The following EFCAB5 variants were observed in gnomAD, a reference collection of about 807,000 sequenced individuals.
The protein encoded by EFCAB5 is EF-hand calcium binding domain 5.
EFCAB5 carries 131 observed loss-of-function variants against 167.9 expected under a neutral mutation model. The observed-to-expected ratio is 0.78, with a 90% CI of 0.68 to 0.90. The LOEUF (loss-of-function observed/expected upper bound fraction) is 0.90. EFCAB5 is among the 40% of genes least tolerant of loss of function. EFCAB5 has a pLI of 0.00. For synonymous variants in EFCAB5, 574 were observed against 602.8 expected (o/e 0.95, Z 0.70); for missense variants, 1,663 against 1,745.2 (o/e 0.95, Z 0.84).
rs147109928 is a variant in EFCAB5, at chr17:29,980,101, G to A, written c.767+10734G>A. ...GGAGAATTGCTTGACCCCGGGAGGC[G>A]GAGGTTGCAGTGAGCTGAGATCAGG... On this transcript the variant is annotated intron_variant, in intron 4 of 22. Transcript: ENST00000394835. 9.6e-4 allele frequency among the ~76,000 whole-genome samples: 146 copies of A among 152,234 alleles called. 2 individuals carry two copies. The Middle Eastern group carries it at 0.01, about 11-fold the overall frequency.
chr17:30,055,069 G>A (rs911599579), intron 10 of EFCAB5, among the ~76,000 whole-genome samples: 3 of 152,098 alleles, frequency 2.0e-5, no homozygotes, highest in Non-Finnish European at 2.9e-5. Flanking sequence ...AGGCTGAGAC[G>A]GGTGGATCGC....
intron 14 of EFCAB5, chr17:30,069,285 A>C: frequency 6.7e-7 from 1 of 1,494,494 alleles, no homozygotes; most frequent in Non-Finnish European, 9.3e-7. Context: ...ACATGGGGAG[A>C]TGGCAAAGGT....
chr17:30,093,072 G>T (rs903075105), intron 22 of EFCAB5, 136 bp downstream of exon 22: 9 of 553,152 alleles, frequency 1.6e-5, no homozygotes, highest in Non-Finnish European at 2.8e-5. Context: ...CTAAGAGGAG[G>T]GACACTATGT....
At chr17:30,049,884 T>C (rs1294702440) in intron 8 of EFCAB5, among the ~76,000 whole-genome samples, 2 of 152,150 alleles carry the variant, frequency 1.3e-5, no homozygotes, top group African/African-American at 4.8e-5. Flanking sequence ...TAGAGAAACG[T>C]TTGCATATGT....
upstream of EFCAB5, among the ~76,000 whole-genome samples, chr17:29,940,322 C>A (rs1597550874): frequency 1.3e-5 from 2 of 152,194 alleles, no homozygotes; most frequent in Admixed American, 6.5e-5. Context: ...GGTGATCCAC[C>A]CGCCTTGGCC....
intron 8 of EFCAB5, among the ~76,000 whole-genome samples, chr17:30,041,761 C>T (rs2069780677): frequency 6.6e-6 from 1 of 152,148 alleles, no homozygotes; most frequent in South Asian, 2.1e-4. Flanking sequence ...TAAGAAATTG[C>T]CACAGCACAC....
chr17:29,986,092 CTG>C (rs1397876633), intron 4 of EFCAB5, among the ~76,000 whole-genome samples: 2 of 152,226 alleles, frequency 1.3e-5, no homozygotes, highest in African/African-American at 2.4e-5. Flanking sequence ...GCTAATCCAT[CTG>C]TAGCTCCTTC....
At chr17:30,088,625 C>T (rs935110618) in intron 19 of EFCAB5, among the ~76,000 whole-genome samples, 2 of 152,174 alleles carry the variant, frequency 1.3e-5, no homozygotes, top group Admixed American at 1.3e-4. Flanking sequence ...ATGACTCTCA[C>T]TTGTCAAATG....
intron 22 of EFCAB5, among the ~76,000 whole-genome samples, chr17:30,093,835 A>C (rs1303832829): frequency 6.6e-6 from 1 of 152,202 alleles, no homozygotes; most frequent in Non-Finnish European, 1.5e-5. Flanking sequence ...GGTCACCCAG[A>C]TACCAACCCT....
chr17:29,970,331 A>G (rs1385544658), intron 4 of EFCAB5, among the ~76,000 whole-genome samples: 2 of 152,098 alleles, frequency 1.3e-5, no homozygotes, highest in Admixed American at 1.3e-4. Flanking sequence ...TTAACAATTG[A>G]GACTTTTAAA....
rs149603134 is a variant in EFCAB5, at chr17:30,086,447, G to A, written c.3580-616G>A. 1.7e-4 allele frequency among the ~76,000 whole-genome samples: 26 copies of A among 152,194 alleles called. No homozygotes were observed. The East Asian group carries it at 4.1e-3, about 24-fold the overall frequency. Reference sequence around the variant, plus strand: ...CAGGAGAGAGTGTCGTCCCAATAGCGAAGTGAAGAAAGTAAATTGGCCAGG... The same window carrying A: ...CAGGAGAGAGTGTCGTCCCAATAGCAAAGTGAAGAAAGTAAATTGGCCAGG... On this transcript the variant is annotated intron_variant, in intron 18 of 22. Coordinates refer to ENST00000394835, the MANE Select transcript of EFCAB5 (RefSeq NM_198529.4).
chr17:30,103,409 T>C (rs1478983639), intron 22 of EFCAB5, among the ~76,000 whole-genome samples: 1 of 152,020 alleles, frequency 6.6e-6, no homozygotes, highest in Non-Finnish European at 1.5e-5. Flanking sequence ...TGTGATATTG[T>C]ATAGAAATTA....
chr17:30,033,145 C>T (rs981606035), intron 7 of EFCAB5, among the ~76,000 whole-genome samples: 2 of 151,780 alleles, frequency 1.3e-5, no homozygotes, highest in Non-Finnish European at 2.9e-5. Flanking sequence ...GTGGCGCCAT[C>T]TCGGCTCACT....
chr17:30,089,134 C>T (rs1318170810), intron 19 of EFCAB5, among the ~76,000 whole-genome samples: 2 of 152,012 alleles, frequency 1.3e-5, no homozygotes, highest in Non-Finnish European at 2.9e-5. Flanking sequence ...TGTTCCCCAC[C>T]CTGTGTCCAA....
rs2070915529 is a variant in EFCAB5, at chr17:30,078,485, C to A, written c.3008C>A (p.Thr1003Asn). 1.3e-6 allele frequency: 2 copies of A among 1,597,000 alleles called. No homozygotes were observed. The highest frequency in any genetic ancestry group is 1.7e-6 in the Non-Finnish European group (2 of 1,169,664). The change falls in exon 15 of 23, where the codon ACC becomes AAC. Residue 1003 changes from threonine (T) to asparagine (N), a missense_variant. Transcript: ENST00000394835. Reference protein sequence around the residue: ...GVSLEPVYSETFKALMQDAEA... With the variant: ...GVSLEPVYSENFKALMQDAEA... ...TCCCTAGAGCCGGTGTATAGTGAGACCTTTAAGGCCCTCATGCAGGTACGT... is the reference window on the plus strand; with the variant it reads ...TCCCTAGAGCCGGTGTATAGTGAGAACTTTAAGGCCCTCATGCAGGTACGT...
At chr17:30,086,408 G>A (rs947682287) in intron 18 of EFCAB5, among the ~76,000 whole-genome samples, 2 of 152,136 alleles carry the variant, frequency 1.3e-5, no homozygotes, top group Non-Finnish European at 2.9e-5. Context: ...TGTTTAGTGA[G>A]GTAGAAGGAG....
At chr17:29,930,545 A>C (rs1434086714) in intron 1 of EFCAB5, among the ~76,000 whole-genome samples, 2 of 151,856 alleles carry the variant, frequency 1.3e-5, no homozygotes, top group Non-Finnish European at 2.9e-5. Flanking sequence ...AACCAACCTT[A>C]AAAAAAAGCA....
intron 14 of EFCAB5, among the ~76,000 whole-genome samples, chr17:30,063,058 A>G (rs1398003425): frequency 6.6e-6 from 1 of 152,142 alleles, no homozygotes. Context: ...CCTGTGTCCC[A>G]AGGAAACAGA....
intron 22 of EFCAB5, among the ~76,000 whole-genome samples, chr17:30,095,225 G>C (rs1352224613): frequency 6.6e-6 from 1 of 151,738 alleles, no homozygotes; most frequent in East Asian, 1.9e-4. Flanking sequence ...TCTGCCAAGT[G>C]ACCATACCTC....
Sources: gnomAD v4.1 joint callset for allele counts (sites outside exome capture counted in the v4.1 genomes callset) on GRCh38, gnomAD v4.1.1 for gene constraint, MANE v1.5 for transcripts, NCBI Gene and HGNC (gene_info 2026-07-23, HGNC 2026-07-21) for gene names.